Variants in LAMC1 observed in about 807,000 individuals in gnomAD.
LAMC1 encodes the protein laminin subunit gamma-1.
A neutral mutation model predicts 173.6 loss-of-function variants in LAMC1; 38 were observed. The ratio of observed to expected loss-of-function variants is 0.22; its 90% confidence interval spans 0.17 to 0.29. LAMC1 has a LOEUF of 0.29. Among genes scored for constraint, LAMC1 ranks in the 10% least tolerant of loss-of-function variants. The pLI, the probability that LAMC1 is intolerant of heterozygous loss-of-function variation, is 1.00. For missense variants in LAMC1, 1,824 were observed against 2,051.8 expected (o/e 0.89, Z 2.14); for synonymous variants, 746 against 749.1 (o/e 1.00, Z 0.07).
At chr1:183,102,844 A>G (rs757426912) in intron 1 of LAMC1, among the ~76,000 whole-genome samples, 4 of 152,214 alleles carry the variant, frequency 2.6e-5, no homozygotes, top group Non-Finnish European at 5.9e-5. Flanking sequence ...AAGTAGAAGA[A>G]TAGAGCTGAT....
intron 1 of LAMC1, among the ~76,000 whole-genome samples, chr1:183,102,094 G>C (rs1230764910): frequency 6.6e-6 from 1 of 152,170 alleles, no homozygotes. Context: ...TGCAGGAGAG[G>C]AGAGAGGGGG....
intron 1 of LAMC1, among the ~76,000 whole-genome samples, chr1:183,071,892 A>C (rs553903627): frequency 6.6e-6 from 1 of 152,334 alleles, no homozygotes; most frequent in Admixed American, 6.5e-5. Flanking sequence ...CAGTTGACGA[A>C]AATGTTGAGA....
intron 1 of LAMC1, among the ~76,000 whole-genome samples, chr1:183,080,929 C>A (rs907924162): frequency 2.6e-5 from 4 of 152,072 alleles, no homozygotes; most frequent in African/African-American, 9.7e-5. Flanking sequence ...GCTCTTGTTG[C>A]CCAGGGTGGA....
intron 1 of LAMC1, 99 bp from the exon 2 acceptor site, chr1:183,103,229 A>T (rs1171055700): frequency 3.5e-6 from 4 of 1,138,222 alleles, no homozygotes; most frequent in Non-Finnish European, 5.1e-6. Flanking sequence ...GTACAAGGAG[A>T]TTTATATCCT....
chr1:183,122,022 T>C (rs1455248333), intron 12 of LAMC1, 41 bp from the exon 13 acceptor site: 2 of 1,609,292 alleles, frequency 1.2e-6, no homozygotes, highest in East Asian at 2.2e-5. Context: ...TCTTATATAC[T>C]TGTACATTTG....
At position 183,085,718 on chromosome 1, in the gene LAMC1, G is replaced by A. The variant is rs188454022; in HGVS notation, c.419-17610G>A. On this transcript the variant is annotated intron_variant, in intron 1 of 27. Transcript: ENST00000258341. The stretch of plus-strand genomic sequence containing the variant: ...GAATGCATTTGTCCTTATAGGCTCC[G>A]TTACTGTAGGCATTTAGTACTGCTT... Among the ~76,000 whole-genome samples, 217 of 152,134 alleles carry A rather than the reference G, an allele frequency of 1.4e-3. 1 individual carries two copies. The highest frequency in any genetic ancestry group is 7.8e-4 in the Non-Finnish European group (53 of 68,000).
Position 183,136,522 on chromosome 1 carries a change from G to T in LAMC1, c.4251G>T (p.Ala1417=). 2.5e-6 allele frequency: 4 copies of T among 1,613,964 alleles called. No homozygotes were observed. In the South Asian group the frequency reaches 4.4e-5, roughly 18 times the overall value. ...AGCAGGCCCTGGGCAGTGCTGCGGC[G>T]GATGCCACAGAGGCCAAGAACAAGG... The part of the protein sequence containing the change: ...EAQQALGSAA[A]DATEAKNKAH... Residue 1417 remains alanine, a synonymous_variant, in exon 25 of 28, where the codon GCG becomes GCT. Coordinates refer to ENST00000258341, the MANE Select transcript of LAMC1 (RefSeq NM_002293.4).
intron 1 of LAMC1, among the ~76,000 whole-genome samples, chr1:183,069,257 G>A (rs1399323517): frequency 1.3e-5 from 2 of 152,080 alleles, no homozygotes; most frequent in African/African-American, 2.4e-5. Context: ...TGTATGTCTG[G>A]GAACAATAAA....
intron 11 of LAMC1, among the ~76,000 whole-genome samples, chr1:183,120,582 A>G (rs1445685496): frequency 1.3e-5 from 2 of 152,214 alleles, no homozygotes; most frequent in Admixed American, 6.5e-5. Flanking sequence ...ACTGCAAAAC[A>G]CTAGAGTGGA....
chr1:183,073,287 ATAGG>A (rs1210660966), intron 1 of LAMC1, among the ~76,000 whole-genome samples: 1 of 152,226 alleles, frequency 6.6e-6, no homozygotes, highest in Non-Finnish European at 1.5e-5. Flanking sequence ...AGCTAACAAA[ATAGG>A]TAGGGATTTC....
intron 1 of LAMC1, among the ~76,000 whole-genome samples, chr1:183,102,736 T>G (rs1655866972): frequency 6.6e-6 from 1 of 152,224 alleles, no homozygotes; most frequent in Admixed American, 6.5e-5. Flanking sequence ...GTTCATCCAC[T>G]GAAGGAATTT....
At chr1:183,041,830 T>G (rs1558030202) in intron 1 of LAMC1, among the ~76,000 whole-genome samples, 1 of 152,176 alleles carries the variant, frequency 6.6e-6, no homozygotes. Context: ...TATATGGTAG[T>G]AGGGGTTCAA....
rs1453465861 is a variant in LAMC1 at position 183,125,999 on chromosome 1, C to T, written c.2802-121C>T. 3 of 932,714 alleles carry T rather than the reference C, an allele frequency of 3.2e-6. No homozygotes were observed. In the Admixed American group the frequency reaches 8.2e-5, roughly 25 times the overall value. 57.8% of individuals were successfully genotyped at this position (932,714 alleles called of 1,614,324 possible). A position where few individuals can be genotyped will look rare whatever the true frequency, so the allele number is the denominator to read the frequency against. On this transcript the variant is annotated intron_variant, in intron 15 of 27. Transcript: ENST00000258341. The stretch of plus-strand genomic sequence containing the variant: ...ACCCTTAACATTCCATCTTAGTAAC[C>T]CTTACCATTCAGTTTTCTGATACAA...
chr1:183,084,564 T>C (rs12070016), intron 1 of LAMC1, among the ~76,000 whole-genome samples: 2 of 152,164 alleles, frequency 1.3e-5, no homozygotes, highest in African/African-American at 2.4e-5. Context: ...CCCACAGTAA[T>C]TGGTGGTCTA....
chr1:183,130,610 C>A, intron 19 of LAMC1, 61 bp downstream of exon 19: 2 of 1,312,516 alleles, frequency 1.5e-6, no homozygotes, highest in East Asian at 2.3e-5. Flanking sequence ...TGTAGCAAGT[C>A]TGTTACTGGC....
At chr1:183,054,334 A>T (rs1022972700) in intron 1 of LAMC1, among the ~76,000 whole-genome samples, 6 of 152,198 alleles carry the variant, frequency 3.9e-5, no homozygotes, top group African/African-American at 1.2e-4. Context: ...GTGAGGATTC[A>T]GGCTGTGCAC....
intron 13 of LAMC1, among the ~76,000 whole-genome samples, chr1:183,124,311 G>A (rs1228048555): frequency 6.6e-6 from 1 of 152,210 alleles, no homozygotes; most frequent in Non-Finnish European, 1.5e-5. Flanking sequence ...GCCATCCTTT[G>A]AGACTGGAGA....
rs539487679 is a variant in LAMC1 at position 183,119,280 on chromosome 1, G to C, written c.1990+1134G>C. Among the ~76,000 whole-genome samples, 57 of 152,230 alleles carry C rather than the reference G, an allele frequency of 3.7e-4. No individual in the cohort carries two copies. In the South Asian group the frequency reaches 0.012, roughly 31 times the overall value. On this transcript the variant is annotated intron_variant, in intron 11 of 27. Coordinates refer to ENST00000258341, the MANE Select transcript of LAMC1 (RefSeq NM_002293.4). ...AGCTGTTTGGGGAGGTGGAGTTAGTGATGATGTGGTATTGGGAGAGGCATC... is the reference window on the plus strand; with the variant it reads ...AGCTGTTTGGGGAGGTGGAGTTAGTCATGATGTGGTATTGGGAGAGGCATC...
chr1:183,127,143 C>A (rs1571458962), intron 16 of LAMC1, 83 bp from the exon 17 acceptor site: 2 of 1,314,098 alleles, frequency 1.5e-6, no homozygotes, highest in Non-Finnish European at 1.1e-6. Flanking sequence ...AGCTTATAGT[C>A]AGCTTATTGT....
Sources: gnomAD v4.1 joint callset for allele counts (sites outside exome capture counted in the v4.1 genomes callset) on GRCh38, gnomAD v4.1.1 for gene constraint, MANE v1.5 for transcripts, NCBI Gene and HGNC (gene_info 2026-07-23, HGNC 2026-07-21) for gene names.